The following FNTB variants were observed in gnomAD, a reference collection of about 807,000 sequenced individuals.
FNTB encodes farnesyltransferase, CAAX box, subunit beta.
A neutral mutation model predicts 59.4 loss-of-function variants in FNTB; 27 were observed. That is an observed-to-expected ratio of 0.45 (90% CI 0.34 to 0.63). FNTB has a LOEUF of 0.63. Ranked by LOEUF, FNTB falls within the 20% of genes least tolerant of loss-of-function variation. The probability of loss-of-function intolerance (pLI) is 0.02; values close to 1 mark genes in which losing one functional copy is unlikely to be tolerated. For synonymous variants in FNTB, 230 were observed against 220.7 expected (o/e 1.04, Z -0.37); for missense variants, 449 against 559.6 (o/e 0.80, Z 1.99).
At chr14:65,006,353 C>A in intron 2 of FNTB, 3 of 1,597,380 alleles carry the variant, frequency 1.9e-6, no homozygotes, top group Non-Finnish European at 2.6e-6. Flanking sequence ...TAAACCAAAT[C>A]TCTGCATTAA....
At chr14:65,041,313 A>G (rs929856860) in intron 8 of FNTB, among the ~76,000 whole-genome samples, 1 of 152,244 alleles carries the variant, frequency 6.6e-6, no homozygotes, top group Non-Finnish European at 1.5e-5. Context: ...CTGTGTAAAC[A>G]TTTAGTACCT....
At chr14:65,046,297 A>G (rs1048642720) in intron 9 of FNTB, among the ~76,000 whole-genome samples, 3 of 152,178 alleles carry the variant, frequency 2.0e-5, no homozygotes, top group African/African-American at 7.2e-5. Context: ...AGATAGAAAA[A>G]AACTTGGGGT....
chr14:65,010,803 C>T (rs112006316), intron 2 of FNTB, among the ~76,000 whole-genome samples: 4 of 152,302 alleles, frequency 2.6e-5, no homozygotes, highest in African/African-American at 9.6e-5. Context: ...TCCCATTCCT[C>T]TTTCATCCCT....
At chr14:65,041,858 A>C (rs985284899) in intron 8 of FNTB, among the ~76,000 whole-genome samples, 10 of 152,228 alleles carry the variant, frequency 6.6e-5, no homozygotes, top group African/African-American at 2.2e-4. Flanking sequence ...GAAACAAAAA[A>C]GTCCCATCTC....
In FNTB at chr14:64,990,095, G is replaced by A. The variant is rs117623272; in HGVS notation, c.144+2998G>A. Among the ~76,000 whole-genome samples, 1,130 of 152,306 alleles carry A rather than the reference G, an allele frequency of 7.4e-3. 10 individuals are homozygous for A. The highest frequency in any genetic ancestry group is 0.017 in the South Asian group (84 of 4,814). Reference sequence around the variant, plus strand: ...AAAGCAGCAAGCACAAAGGACCAAGGCAGCAGAATGCCAGGTGAGCAGGGG... The same window carrying A: ...AAAGCAGCAAGCACAAAGGACCAAGACAGCAGAATGCCAGGTGAGCAGGGG... On this transcript the variant is annotated intron_variant, in intron 1 of 11. Transcript: ENST00000246166. The surrounding 1 kb of genome is among the most constrained non-coding windows in gnomAD (Gnocchi z 5.2).
chr14:64,999,901 G>A (rs1469225852), intron 1 of FNTB, among the ~76,000 whole-genome samples: 2 of 152,158 alleles, frequency 1.3e-5, no homozygotes, highest in African/African-American at 4.8e-5. Flanking sequence ...CACTATGTTG[G>A]GAAAATTTTA....
chr14:64,993,044 C>T (rs751538084), intron 1 of FNTB, among the ~76,000 whole-genome samples: 1 of 152,078 alleles, frequency 6.6e-6, no homozygotes, highest in Non-Finnish European at 1.5e-5. Flanking sequence ...CCTGTGTTGC[C>T]CAGGCTGGTC....
chr14:65,027,681 C>T lies in FNTB; in HGVS notation c.522-17C>T. 2 of 1,614,228 alleles carry T rather than the reference C, an allele frequency of 1.2e-6. No homozygotes were observed. Among genetic ancestry groups the T allele is most frequent in the Non-Finnish European group, 8.5e-7 (1 of 1,180,030 alleles). ...GCACTGACTGTTGCCTCTCCTACCT[C>T]TTTCCCTGTTTCTCAGAGAGAAGCT... On this transcript the variant is annotated splice_polypyrimidine_tract_variant and intron_variant, in intron 5 of 11. Transcript: ENST00000246166. This position sits in a 1 kb window ranked among gnomAD's most constrained non-coding sequence, Gnocchi z 5.7.
intron 1 of FNTB, among the ~76,000 whole-genome samples, chr14:64,995,064 CT>C (rs1888342897): frequency 6.6e-6 from 1 of 152,034 alleles, no homozygotes; most frequent in African/African-American, 2.4e-5. Context: ...TTTTAACTTT[CT>C]TTTTACCTTT....
chr14:65,043,728 A>G (rs937572943), intron 8 of FNTB, among the ~76,000 whole-genome samples: 2 of 146,750 alleles, frequency 1.4e-5, no homozygotes, highest in African/African-American at 5.0e-5. Context: ...AGGCTGAGGC[A>G]GGAGAATGGC....
chr14:65,054,296 G>A lies in FNTB; in HGVS notation c.1068-279G>A, dbSNP rs2062679101. Among the ~76,000 whole-genome samples the A allele has an allele frequency of 6.6e-6, 1 of 151,906 alleles. No homozygotes were observed. The highest frequency in any genetic ancestry group is 1.5e-5 in the Non-Finnish European group (1 of 68,002). On this transcript the variant is annotated intron_variant, in intron 10 of 11. Transcript: ENST00000246166. This position sits in a 1 kb window ranked among gnomAD's most constrained non-coding sequence, Gnocchi z 4.4. The stretch of plus-strand genomic sequence containing the variant: ...CCTAGCTAATTTTTAATTTTTTGTA[G>A]AGACGGGGTCTCCCATGTTGCCCAA...
intron 9 of FNTB, among the ~76,000 whole-genome samples, chr14:65,052,751 A>G (rs1471396044): frequency 6.6e-6 from 1 of 152,244 alleles, no homozygotes; most frequent in African/African-American, 2.4e-5. Flanking sequence ...TTGGAGATCA[A>G]TTAAATTTAG....
chr14:65,043,792 G>A (rs549126139), intron 8 of FNTB, among the ~76,000 whole-genome samples: 9 of 123,712 alleles, frequency 7.3e-5, no homozygotes, highest in East Asian at 2.4e-4. Flanking sequence ...ACTGCAGTCC[G>A]CAGTCCGGCC....
At chr14:65,033,685 G>A (rs900066322) in intron 7 of FNTB, among the ~76,000 whole-genome samples, 10 of 152,186 alleles carry the variant, frequency 6.6e-5, no homozygotes, top group African/African-American at 1.4e-4. Flanking sequence ...GTGACACCCC[G>A]TCTCTACTAA....
In FNTB at chr14:64,991,437, A is replaced by G. The variant is rs543072154; in HGVS notation, c.144+4340A>G. On this transcript the variant is annotated intron_variant, in intron 1 of 11. Coordinates refer to ENST00000246166, the MANE Select transcript of FNTB (RefSeq NM_002028.4). The surrounding 1 kb of genome is among the most constrained non-coding windows in gnomAD (Gnocchi z 4.4). ...GCCAACATGGTGAAACCTCATCTCT[A>G]CTAAAAAAATACAAAAATTAGCTAG... is the stretch of plus-strand genomic sequence containing the variant. Among the ~76,000 whole-genome samples the G allele has an allele frequency of 1.3e-5, 2 of 152,164 alleles. No homozygotes were observed. The highest frequency in any genetic ancestry group is 3.9e-4 in the East Asian group (2 of 5,168).
intron 2 of FNTB, among the ~76,000 whole-genome samples, chr14:65,006,921 G>C (rs8011914): frequency 0.018 from 2,749 of 152,224 alleles, 96 homozygotes; most frequent in African/African-American, 0.063. Flanking sequence ...CTGATTCATA[G>C]CTGGTAGGTC....
rs1387259591 is a variant in FNTB at position 65,029,527 on chromosome 14, C to T, written c.605+1746C>T. 1.3e-5 allele frequency among the ~76,000 whole-genome samples: 2 copies of T among 152,210 alleles called. No individual in the cohort carries two copies. Among genetic ancestry groups the T allele is most frequent in the African/African-American group, 2.4e-5 (1 of 41,448 alleles). On this transcript the variant is annotated intron_variant, in intron 6 of 11. Coordinates refer to ENST00000246166, the MANE Select transcript of FNTB (RefSeq NM_002028.4). The surrounding 1 kb of genome is among the most constrained non-coding windows in gnomAD (Gnocchi z 4.7). ...CAGTGTATTGTAAAAAATCAAATCA[C>T]AGTGAACTCATAGCAAGCACTATTT...
In FNTB at chr14:65,029,609, C is replaced by G. The variant is rs1434252219; in HGVS notation, c.605+1828C>G. Among the ~76,000 whole-genome samples, 1 of 152,130 alleles carries G rather than the reference C, an allele frequency of 6.6e-6. No individual in the cohort carries two copies. The highest frequency in any genetic ancestry group is 2.4e-5 in the African/African-American group (1 of 41,420). On this transcript the variant is annotated intron_variant, in intron 6 of 11. Transcript: ENST00000246166. This position sits in a 1 kb window ranked among gnomAD's most constrained non-coding sequence, Gnocchi z 4.7. ...TCTAGGTTATATAATCTAGATCATT[C>G]TGTGAGGATAAGGTGGAGGCAGGGA...
intron 1 of FNTB, among the ~76,000 whole-genome samples, chr14:64,988,509 A>G (rs1040638531): frequency 7.7e-6 from 1 of 130,198 alleles, no homozygotes; most frequent in Non-Finnish European, 1.5e-5. Context: ...GCACTGGCTT[A>G]CTGCACCCTC....
Sources: allele counts gnomAD v4.1 joint callset (sites outside exome capture counted in the v4.1 genomes callset), GRCh38; gene constraint gnomAD v4.1.1; non-coding constraint Gnocchi (gnomAD v3.1); transcripts MANE v1.5; gene names NCBI Gene and HGNC (gene_info 2026-07-23, HGNC 2026-07-21).